DNAH8: variants seen among roughly 807,000 people sequenced by gnomAD.
DNAH8 encodes dynein axonemal heavy chain 8, also known as axonemal beta dynein heavy chain 8.
In DNAH8, 382 loss-of-function variants were observed where a neutral mutation model predicts 562.1. The observed-to-expected ratio is 0.68, with a 90% CI of 0.63 to 0.74. The LOEUF (loss-of-function observed/expected upper bound fraction) is 0.74. Among genes scored for constraint, DNAH8 ranks in the 30% least tolerant of loss-of-function variants. The pLI is 0.00. For missense variants in DNAH8, 5,203 were observed against 5,620.4 expected (o/e 0.93, Z 2.37); for synonymous variants, 1,881 against 1,919.4 (o/e 0.98, Z 0.52).
chr6:38,842,625 T>A (rs768451642), intron 34 of DNAH8, 38 bp from the exon 35 acceptor site: 10 of 1,600,200 alleles, frequency 6.2e-6, no homozygotes, highest in Non-Finnish European at 8.5e-6. Context: ...CAAATAAATG[T>A]GAAGGTGGCA....
At chr6:39,008,679 A>C in intron 88 of DNAH8, 135 bp from the exon 89 acceptor site, 145 of 511,236 alleles carry the variant, frequency 2.8e-4, no homozygotes, top group Non-Finnish European at 3.2e-4. Flanking sequence ...GGTTGATGGT[A>C]GTTAACTTTT....
At chr6:38,762,920 C>G (rs1766661385) in intron 11 of DNAH8, 1 of 286,886 alleles carries the variant, frequency 3.5e-6, no homozygotes, top group Non-Finnish European at 6.6e-6. Flanking sequence ...GGAAGAATTG[C>G]AGTTAGTGTT....
At chr6:38,851,130 T>C (rs1775708301) in intron 38 of DNAH8, among the ~76,000 whole-genome samples, 1 of 152,190 alleles carries the variant, frequency 6.6e-6, no homozygotes, top group Non-Finnish European at 1.5e-5. Flanking sequence ...TTAAGGCAGT[T>C]CATTTTCAAT....
chr6:38,725,611 A>C (rs1763153383), intron 3 of DNAH8, among the ~76,000 whole-genome samples: 1 of 152,170 alleles, frequency 6.6e-6, no homozygotes. Context: ...CACAGCAAGC[A>C]ACCGGAAGTA....
intron 21 of DNAH8, among the ~76,000 whole-genome samples, chr6:38,795,409 C>G (rs999289078): frequency 6.6e-6 from 1 of 152,106 alleles, no homozygotes; most frequent in Non-Finnish European, 1.5e-5. Flanking sequence ...GAAACCCCGT[C>G]TCTACTAAAA....
At chr6:38,733,945 G>A (rs1358722996) in intron 4 of DNAH8, among the ~76,000 whole-genome samples, 1 of 138,716 alleles carries the variant, frequency 7.2e-6, no homozygotes, top group Admixed American at 7.2e-5. Flanking sequence ...AAAAAGATGC[G>A]ATTATTGGCC....
At chr6:38,966,695 A>T (rs1032659705) in intron 82 of DNAH8, among the ~76,000 whole-genome samples, 3 of 152,240 alleles carry the variant, frequency 2.0e-5, no homozygotes, top group Non-Finnish European at 2.9e-5. Context: ...CAATCAATGT[A>T]ATATACCATA....
chr6:39,004,546 C>T (rs1426989468), intron 88 of DNAH8, among the ~76,000 whole-genome samples: 2 of 152,116 alleles, frequency 1.3e-5, no homozygotes, highest in African/African-American at 4.8e-5. Flanking sequence ...TTTTGAAAAA[C>T]AGCTTTTATG....
chr6:38,883,760 T>C (rs1778693864), intron 55 of DNAH8, 116 bp from the exon 56 acceptor site: 3 of 807,708 alleles, frequency 3.7e-6, no homozygotes, highest in Admixed American at 3.1e-5. Context: ...AATAATTATA[T>C]GTATACTTAT....
Position 38,786,958 on chromosome 6 carries a change from A to C in DNAH8, c.2583+6A>C. ...CAGACAAACTGTATTTGCAGGTAAG[A>C]TAGATTATGTTTTCTAATTATTTTT... is the stretch of plus-strand genomic sequence containing the variant. On this transcript the variant is annotated splice_donor_region_variant and intron_variant, in intron 18 of 92. Coordinates refer to ENST00000327475, the MANE Select transcript of DNAH8 (RefSeq NM_001206927.2). 6.4e-7 allele frequency: 1 copy of C among 1,572,786 alleles called. No individual in the cohort carries two copies. Among genetic ancestry groups the C allele is most frequent in the Non-Finnish European group, 8.6e-7 (1 of 1,161,702 alleles).
chr6:38,802,877 C>T (rs920629225), intron 21 of DNAH8, among the ~76,000 whole-genome samples: 3 of 152,230 alleles, frequency 2.0e-5, no homozygotes, highest in Admixed American at 1.3e-4. Flanking sequence ...ATCTTCTCTC[C>T]ACCCCTTCAG....
chr6:38,886,754 T>G, intron 56 of DNAH8, 37 bp from the exon 57 acceptor site: 1 of 1,468,650 alleles, frequency 6.8e-7, no homozygotes, highest in Non-Finnish European at 9.5e-7. Context: ...AATATGATAG[T>G]GATATGTTAC....
At chr6:38,722,285 G>A (rs765046995) in intron 1 of DNAH8, among the ~76,000 whole-genome samples, 8 of 152,214 alleles carry the variant, frequency 5.3e-5, no homozygotes, top group Non-Finnish European at 1.0e-4. Context: ...TAGAATGTCT[G>A]ATTAATGAAC....
At chr6:38,762,971 C>T (rs370735046) in intron 11 of DNAH8, 16 of 354,376 alleles carry the variant, frequency 4.5e-5, no homozygotes, top group African/African-American at 3.5e-4. Context: ...CTGGAAGAAT[C>T]AGGATCATTA....
In DNAH8 at chr6:38,974,534, C is replaced by T. The variant is rs1763548950; in HGVS notation, c.12834+5C>T. On this transcript the variant is annotated splice_donor_5th_base_variant and intron_variant, in intron 85 of 92. Coordinates refer to ENST00000327475, the MANE Select transcript of DNAH8 (RefSeq NM_001206927.2). ...TTTTTACACTCCACTGTGCAGGTAA[C>T]TGCAGAAAGCAGTTTTCACATTTAG... is the stretch of plus-strand genomic sequence containing the variant. 3 of 1,611,208 alleles carry T rather than the reference C, an allele frequency of 1.9e-6. No individual in the cohort carries two copies. The highest frequency in any genetic ancestry group is 2.5e-6 in the Non-Finnish European group (3 of 1,178,722).
chr6:39,002,367 T>C (rs750924767), intron 88 of DNAH8, among the ~76,000 whole-genome samples: 9 of 152,244 alleles, frequency 5.9e-5, no homozygotes, highest in Non-Finnish European at 1.3e-4. Flanking sequence ...AAAATGTATA[T>C]AGTAACATGT....
chr6:38,883,103 G>A (rs112867667), intron 54 of DNAH8, 51 bp downstream of exon 54: 29 of 1,468,816 alleles, frequency 2.0e-5, no homozygotes, highest in African/African-American at 7.1e-5. Flanking sequence ...CCATGGCCAC[G>A]GGAATATGCA....
At chr6:38,929,800 G>A in intron 75 of DNAH8, 134 bp downstream of exon 75, 1 of 787,664 alleles carries the variant, frequency 1.3e-6, no homozygotes, top group Non-Finnish European at 1.8e-6. Context: ...AGCAGCAAAT[G>A]CAATTTCCTT....
chr6:38,723,465 C>G lies in DNAH8; in HGVS notation c.519C>G (p.Cys173Trp), dbSNP rs1762945463. The change falls in exon 3 of 93, where the codon TGC becomes TGG. Residue 173 changes from cysteine (C) to tryptophan (W), a missense_variant. This residue lies in a region of DNAH8 where 556 missense variants were observed against 496.9 expected (regional missense o/e 1.12). Coordinates refer to ENST00000327475, the MANE Select transcript of DNAH8 (RefSeq NM_001206927.2). ...IVTVEELILD[C>W]PSLEAFTNFF... is the part of the protein sequence containing the mutation. The stretch of plus-strand genomic sequence containing the variant: ...CTGTTGAAGAATTAATTTTGGATTG[C>G]CCATCTGTAAGTTTAAGTCTTATCA... 1 of 1,603,816 alleles carries G rather than the reference C, an allele frequency of 6.2e-7. No individual in the cohort carries two copies.
Sources: allele counts gnomAD v4.1 joint callset (sites outside exome capture counted in the v4.1 genomes callset), GRCh38; gene constraint gnomAD v4.1.1; regional missense constraint gnomAD v4.1.1; transcripts MANE v1.5; gene names NCBI Gene and HGNC (gene_info 2026-07-23, HGNC 2026-07-21).